Variants in GCM1 observed in about 807,000 individuals in gnomAD.
The protein encoded by GCM1 is chorion-specific transcription factor GCMa.
GCM1 carries 2 observed loss-of-function variants against 25.7 expected under a neutral mutation model. That is an observed-to-expected ratio of 0.08 (90% CI 0.03 to 0.24). The LOEUF (loss-of-function observed/expected upper bound fraction) is 0.24. Ranked by LOEUF, GCM1 falls within the 10% of genes least tolerant of loss-of-function variation. The probability of loss-of-function intolerance (pLI) is 1.00; values close to 1 mark genes in which losing one functional copy is unlikely to be tolerated. For synonymous variants in GCM1, 183 were observed against 195.7 expected (o/e 0.94, Z 0.54); for missense variants, 395 against 538.7 (o/e 0.73, Z 2.64).
intron 2 of GCM1, among the ~76,000 whole-genome samples, chr6:53,143,311 T>G (rs1331752452): frequency 6.6e-6 from 1 of 152,196 alleles, no homozygotes; most frequent in African/African-American, 2.4e-5. Context: ...TGGAAATTCA[T>G]GTTGGAACAT....
At chr6:53,144,914 C>CAA (rs11286993) in intron 2 of GCM1, among the ~76,000 whole-genome samples, 25 of 70,694 alleles carry the variant, frequency 3.5e-4, no homozygotes, top group African/African-American at 1.0e-3. Context: ...GACCCTACCT[C>CAA]AAAAAAAAAA....
At chr6:53,131,379 A>G (rs1287255131) in intron 4 of GCM1, among the ~76,000 whole-genome samples, 1 of 152,220 alleles carries the variant, frequency 6.6e-6, no homozygotes, top group Non-Finnish European at 1.5e-5. Flanking sequence ...GCCAAAGCTG[A>G]GAGTCAATAG....
rs372885757 is a variant in GCM1, at chr6:53,127,951, C to A, written c.*255G>T. 4.0e-6 allele frequency: 1 copy of A among 252,162 alleles called. No individual in the cohort carries two copies. The allele number at this position is 252,162 out of a possible 1,614,324, so 15.6% of individuals were successfully genotyped here. ...GGCTGACGCAGGAGAATCACTCAAA[C>A]CCGGGAGGCAGAGGTTGCAGTGAGC... On this transcript the variant is annotated 3_prime_UTR_variant, in exon 6 of 6. Transcript: ENST00000259803.
chr6:53,147,332 T>C (rs1178795114), intron 1 of GCM1, among the ~76,000 whole-genome samples: 1 of 151,952 alleles, frequency 6.6e-6, no homozygotes, highest in Non-Finnish European at 1.5e-5. Context: ...AATGATGTTA[T>C]GTAGAGCTAT....
chr6:53,130,295 C>T (rs148723732), intron 5 of GCM1, among the ~76,000 whole-genome samples: 371 of 152,288 alleles, frequency 2.4e-3, no homozygotes, highest in Non-Finnish European at 3.9e-3. Flanking sequence ...GTGGACTTCA[C>T]ATCACAGTTT....
In GCM1 at chr6:53,134,364, G is replaced by A. The variant is rs768335304; in HGVS notation, c.76-40C>T. On this transcript the variant is annotated intron_variant, in intron 2 of 5. Transcript: ENST00000259803. ...AAAGATACGACTATACTTTAAGCTA[G>A]AAAACACAGCTGTCACCCACTGTGG... The A allele has an allele frequency of 2.5e-6, 4 of 1,595,552 alleles. No homozygotes were observed. In the African/African-American group the frequency reaches 5.4e-5, roughly 21 times the overall value.
chr6:53,143,926 A>T (rs887792956), intron 2 of GCM1, among the ~76,000 whole-genome samples: 1 of 152,148 alleles, frequency 6.6e-6, no homozygotes. Flanking sequence ...AGTTACAAAG[A>T]TAGAGGAATC....
Position 53,128,349 on chromosome 6 carries a change from G to A in GCM1, c.1168C>T (p.Leu390Phe). The A allele has an allele frequency of 6.2e-7, 1 of 1,614,060 alleles. No individual in the cohort carries two copies. Among genetic ancestry groups the A allele is most frequent in the Non-Finnish European group, 8.5e-7 (1 of 1,179,912 alleles). ...AYHSPQEDPF[L>F]FTYASHPHQQ... ...TGAGGATGAGAGGCGTAGGTGAAGAGAAAGGGGTCTTCTTGAGGTGAATGG... is the reference window on the plus strand; with the variant it reads ...TGAGGATGAGAGGCGTAGGTGAAGAAAAAGGGGTCTTCTTGAGGTGAATGG... The change falls in exon 6 of 6, where the codon CTC (leucine) becomes TTC (phenylalanine). Residue 390 changes from leucine to phenylalanine, a missense_variant. By Grantham distance (22) the Leu-to-Phe change is conservative (BLOSUM62 0). Around this residue, in one of 5 missense-constraint regions of GCM1, gnomAD observed 291 missense variants for 314.6 expected, o/e 0.92. Coordinates refer to ENST00000259803, the MANE Select transcript of GCM1 (RefSeq NM_003643.4).
intron 2 of GCM1, among the ~76,000 whole-genome samples, chr6:53,137,780 A>C (rs1350749624): frequency 6.6e-6 from 1 of 152,228 alleles, no homozygotes; most frequent in East Asian, 1.9e-4. Flanking sequence ...TGAGATTTTC[A>C]TGCTTTAAAG....
At chr6:53,144,777 T>C (rs117217134) in intron 2 of GCM1, among the ~76,000 whole-genome samples, 1,897 of 151,968 alleles carry the variant, frequency 0.012, 21 homozygotes, top group East Asian at 0.07. Context: ...TAGCTGGGCT[T>C]GTTGGCGTGT....
Position 53,128,742 on chromosome 6 carries a change from G to A in GCM1, c.775C>T (p.Pro259Ser), listed in dbSNP as rs761560575. 5.6e-6 allele frequency: 9 copies of A among 1,613,672 alleles called. No individual in the cohort carries two copies. The highest frequency in any genetic ancestry group is 2.2e-5 in the East Asian group (1 of 44,868). The change falls in exon 6 of 6, where the codon CCC becomes TCC. Residue 259 changes from proline (P) to serine (S), a missense_variant. Around this residue, in one of 5 missense-constraint regions of GCM1, gnomAD observed 291 missense variants for 314.6 expected, o/e 0.92. Transcript: ENST00000259803. ...TTGCGCTTTTCATAGAGCTTCATGGGGTCCACAGTGGAAGTCTGGTCAGTC... is the reference window on the plus strand; with the variant it reads ...TTGCGCTTTTCATAGAGCTTCATGGAGTCCACAGTGGAAGTCTGGTCAGTC... ...DLTDQTSTVD[P>S]MKLYEKRKLS...
rs140624518 is a variant in GCM1, at chr6:53,142,733, G to A, written c.75+2825C>T. On this transcript the variant is annotated intron_variant, in intron 2 of 5. Coordinates refer to ENST00000259803, the MANE Select transcript of GCM1 (RefSeq NM_003643.4). ...TGTTGTTTCATACACGTCAGGCACT[G>A]TGCTAGGCACAAGGCTGACATTTCT... 7.2e-5 allele frequency among the ~76,000 whole-genome samples: 11 copies of A among 152,206 alleles called. No individual in the cohort carries two copies. In the East Asian group the frequency reaches 2.1e-3, roughly 29 times the overall value.
intron 2 of GCM1, among the ~76,000 whole-genome samples, chr6:53,143,313 T>C (rs990470646): frequency 6.6e-6 from 1 of 152,208 alleles, no homozygotes; most frequent in African/African-American, 2.4e-5. Context: ...GAAATTCATG[T>C]TGGAACATGA....
intron 2 of GCM1, 117 bp from the exon 3 acceptor site, chr6:53,134,441 T>G (rs7764947): frequency 0.093 from 87,543 of 937,410 alleles, 5,564 homozygotes; most frequent in East Asian, 0.32. Flanking sequence ...GCAAGAGACC[T>G]TTGGCAAAAG....
rs546354376 is a variant in GCM1, at chr6:53,135,886, G to T, written c.76-1562C>A. Among the ~76,000 whole-genome samples, 16 of 152,350 alleles carry T rather than the reference G, an allele frequency of 1.1e-4. No homozygotes were observed. The South Asian group carries it at 1.5e-3, about 14-fold the overall frequency. On this transcript the variant is annotated intron_variant, in intron 2 of 5. Transcript: ENST00000259803. ...GAGTTAGAATTCAAATTTAGAACGT[G>T]CCAAAGAACTTTGTAACTTGAGACT...
intron 4 of GCM1, among the ~76,000 whole-genome samples, chr6:53,131,550 C>A (rs1341050790): frequency 6.6e-6 from 1 of 152,202 alleles, no homozygotes; most frequent in Non-Finnish European, 1.5e-5. Flanking sequence ...AATTCAAACC[C>A]AGGCAGTCTG....
rs1763668255 is a variant in GCM1, at chr6:53,128,050, A to AAAAAAAAAAAAAAAC, written c.*155_*156insGTTTTTTTTTTTTTT. 3.0e-6 allele frequency: 1 copy of AAAAAAAAAAAAAAAC among 330,850 alleles called. No individual in the cohort carries two copies. Among genetic ancestry groups the AAAAAAAAAAAAAAAC allele is most frequent in the Non-Finnish European group, 5.4e-6 (1 of 185,654 alleles). The allele number at this position is 330,850 out of a possible 1,614,324, so 20.5% of individuals were successfully genotyped here. ...TCTCAAAAAAAAAAAAAAAAAAAAA[A>AAAAAAAAAAAAAAAC]AAAGAAGGAAAAAAGAAAAAGAAAA... is the stretch of plus-strand genomic sequence containing the variant. On this transcript the variant is annotated 3_prime_UTR_variant, in exon 6 of 6. Coordinates refer to ENST00000259803, the MANE Select transcript of GCM1 (RefSeq NM_003643.4).
chr6:53,142,014 A>C (rs1426682710), intron 2 of GCM1, among the ~76,000 whole-genome samples: 4 of 118,136 alleles, frequency 3.4e-5, no homozygotes, highest in South Asian at 5.1e-4. Flanking sequence ...AAAAAAAAAA[A>C]AAAAAAAAAA....
intron 2 of GCM1, among the ~76,000 whole-genome samples, chr6:53,145,298 C>T (rs756250218): frequency 6.6e-6 from 1 of 152,130 alleles, no homozygotes; most frequent in African/African-American, 2.4e-5. Flanking sequence ...CTGAGTTACG[C>T]CAACTTTGAA....
Sources: allele counts gnomAD v4.1 joint callset (sites outside exome capture counted in the v4.1 genomes callset), GRCh38; gene constraint gnomAD v4.1.1; regional missense constraint gnomAD v4.1.1; transcripts MANE v1.5; gene names NCBI Gene and HGNC (gene_info 2026-07-23, HGNC 2026-07-21).